The following ZNF438 variants were observed in gnomAD, a reference collection of about 807,000 sequenced individuals.
The protein encoded by ZNF438 is zinc finger protein 438.
In ZNF438, 25 loss-of-function variants were observed where a neutral mutation model predicts 38.0. That is an observed-to-expected ratio of 0.66 (90% confidence interval 0.48 to 0.92). The LOEUF (loss-of-function observed/expected upper bound fraction) is 0.92, where lower values mean the gene tolerates loss of function less well. Among genes scored for constraint, ZNF438 ranks in the 40% least tolerant of loss-of-function variants. The probability of loss-of-function intolerance (pLI) is 0.00; values close to 1 mark genes in which losing one functional copy is unlikely to be tolerated. For missense variants in ZNF438, 1,007 were observed against 999.6 expected (o/e 1.01, Z -0.10); for synonymous variants, 372 against 364.1 (o/e 1.02, Z -0.25).
chr10:30,895,461 C>T lies in ZNF438; in HGVS notation c.-32+13472G>A, dbSNP rs1413291596. 2.6e-5 allele frequency among the ~76,000 whole-genome samples: 4 copies of T among 152,070 alleles called. 1 individual carries two copies. The highest frequency in any genetic ancestry group is 2.0e-4 in the Admixed American group (3 of 15,272). On this transcript the variant is annotated intron_variant, in intron 3 of 5. Coordinates refer to ENST00000413025, the Ensembl canonical transcript of ZNF438. ...ATGAAAAGATGGAAAGTAAATGTGA[C>T]TGAGATGACACCAAAAACATAGGCA...
intron 1 of ZNF438, among the ~76,000 whole-genome samples, chr10:30,961,981 C>G (rs1296175007): frequency 6.8e-6 from 1 of 146,472 alleles, no homozygotes; most frequent in African/African-American, 2.4e-5. Context: ...CTTACAAAAG[C>G]TTGAAATAAG....
chr10:30,866,845 A>C (rs1011242011), intron 4 of ZNF438, among the ~76,000 whole-genome samples: 2 of 142,736 alleles, frequency 1.4e-5, no homozygotes, highest in African/African-American at 5.2e-5. Flanking sequence ...AAAAAAAAAA[A>C]CCAAAAACGA....
intron 1 of ZNF438, among the ~76,000 whole-genome samples, chr10:30,950,132 C>T (rs1476636596): frequency 1.3e-5 from 2 of 149,486 alleles, no homozygotes; most frequent in Non-Finnish European, 3.0e-5. Context: ...ACTGAACAAC[C>T]TGCTCCTGAA....
chr10:31,021,085 C>G (rs2056560830), intron 1 of ZNF438, among the ~76,000 whole-genome samples: 1 of 146,534 alleles, frequency 6.8e-6, no homozygotes, highest in Non-Finnish European at 1.5e-5. Context: ...GAGACAGGCT[C>G]TCACTCTGTC....
chr10:30,964,679 G>A (rs1319960814), intron 1 of ZNF438, among the ~76,000 whole-genome samples: 1 of 152,160 alleles, frequency 6.6e-6, no homozygotes, highest in Non-Finnish European at 1.5e-5. Context: ...GTCACGGATA[G>A]GTCAGCCAAG....
chr10:30,923,820 A>G (rs2044605853), intron 2 of ZNF438, among the ~76,000 whole-genome samples: 1 of 152,226 alleles, frequency 6.6e-6, no homozygotes, highest in African/African-American at 2.4e-5. Flanking sequence ...TTGCTCTTCC[A>G]TTTAAGTTCA....
At chr10:30,964,421 T>G (rs1179652108) in intron 1 of ZNF438, among the ~76,000 whole-genome samples, 2 of 152,214 alleles carry the variant, frequency 1.3e-5, no homozygotes, top group Non-Finnish European at 2.9e-5. Context: ...GCTGTTTAAC[T>G]TGATTAGTGT....
rs748432386 is a variant in ZNF438 at position 30,859,517 on chromosome 10, C to T, written c.38-9150G>A. On this transcript the variant is annotated intron_variant, in intron 4 of 5. Coordinates refer to ENST00000413025, the Ensembl canonical transcript of ZNF438. ...TGTGTGGTTATGGCCAGCATCTGAT[C>T]TTCAGTAGAAAGACTGTGTGTTTTG... Among the ~76,000 whole-genome samples, 11 of 152,328 alleles carry T rather than the reference C, an allele frequency of 7.2e-5. No individual in the cohort carries two copies. In the East Asian group the frequency reaches 1.3e-3, roughly 19 times the overall value.
intron 1 of ZNF438, among the ~76,000 whole-genome samples, chr10:30,980,268 A>AC (rs1456847518): frequency 5.9e-5 from 9 of 151,778 alleles, no homozygotes; most frequent in African/African-American, 2.2e-4. Context: ...AAAAAAAAAA[A>AC]AAACACCTTT....
intron 4 of ZNF438, among the ~76,000 whole-genome samples, chr10:30,853,869 C>G (rs1337916990): frequency 6.6e-6 from 1 of 152,148 alleles, no homozygotes; most frequent in Admixed American, 6.5e-5. Flanking sequence ...GTGGCAAGTG[C>G]CTGTAATCCC....
intron 1 of ZNF438, among the ~76,000 whole-genome samples, chr10:31,014,009 TA>T (rs1184775308): frequency 6.6e-6 from 1 of 152,194 alleles, no homozygotes; most frequent in African/African-American, 2.4e-5. Context: ...GATGACTTCT[TA>T]AATGAAAATT....
intron 3 of ZNF438, among the ~76,000 whole-genome samples, chr10:30,888,393 A>G (rs1189389774): frequency 2.7e-5 from 4 of 146,920 alleles, no homozygotes; most frequent in Non-Finnish European, 3.0e-5. Context: ...TTTTAGGTTC[A>G]GGAGTACATG....
At chr10:30,993,347 C>T (rs1055991168) in intron 1 of ZNF438, among the ~76,000 whole-genome samples, 1 of 152,176 alleles carries the variant, frequency 6.6e-6, no homozygotes, top group Non-Finnish European at 1.5e-5. Context: ...GCCCGCTGTC[C>T]AGGACTGCCT....
chr10:30,929,140 C>T (rs548157130), intron 2 of ZNF438, among the ~76,000 whole-genome samples: 2 of 152,314 alleles, frequency 1.3e-5, no homozygotes, highest in South Asian at 4.1e-4. Flanking sequence ...TGCCTGCAAT[C>T]CCAGCACTTT....
At chr10:30,981,626 C>T (rs900138909) in intron 1 of ZNF438, among the ~76,000 whole-genome samples, 11 of 152,206 alleles carry the variant, frequency 7.2e-5, no homozygotes, top group African/African-American at 2.6e-4. Flanking sequence ...ACCTGTAATC[C>T]CAGCACTTTG....
intron 4 of ZNF438, among the ~76,000 whole-genome samples, chr10:30,852,999 G>A (rs942805424): frequency 6.6e-6 from 1 of 151,338 alleles, no homozygotes; most frequent in African/African-American, 2.4e-5. Flanking sequence ...ACCAAAATAA[G>A]TCATAAATAA....
exon 6 of ZNF438, chr10:30,844,772 A>G (rs117045459): frequency 0.04 from 27,493 of 694,506 alleles, 728 homozygotes; most frequent in Middle Eastern, 0.06. Context: ...GCATATAGTT[A>G]GAAAAATATG....
intron 5 of ZNF438, among the ~76,000 whole-genome samples, chr10:30,847,638 G>A (rs1170930732): frequency 1.3e-5 from 2 of 152,188 alleles, no homozygotes; most frequent in African/African-American, 4.8e-5. Context: ...GCCCTTTGGG[G>A]AGCTCTGTCC....
intron 1 of ZNF438, among the ~76,000 whole-genome samples, chr10:30,987,333 A>AC: frequency 6.6e-6 from 1 of 151,970 alleles, no homozygotes; most frequent in South Asian, 2.1e-4. Context: ...AAAAAAAAAA[A>AC]AACTAAAATA....
Sources: allele counts gnomAD v4.1 joint callset (sites outside exome capture counted in the v4.1 genomes callset), GRCh38; gene constraint gnomAD v4.1.1; transcripts MANE v1.5; gene names NCBI Gene and HGNC (gene_info 2026-07-23, HGNC 2026-07-21).